The following PHLDB2 variants were observed in gnomAD, a reference collection of about 807,000 sequenced individuals.
The protein encoded by PHLDB2 is pleckstrin homology-like domain family B member 2.
In PHLDB2, 71 loss-of-function variants were observed where a neutral mutation model predicts 123.6. The observed-to-expected ratio is 0.57, with a 90% confidence interval of 0.47 to 0.70. The LOEUF (loss-of-function observed/expected upper bound fraction) is 0.70. Among genes scored for constraint, PHLDB2 ranks in the 30% least tolerant of loss-of-function variants. The pLI is 0.00. For synonymous variants in PHLDB2, 547 were observed against 541.6 expected, an observed-to-expected ratio of 1.01 and a Z score of -0.14; for missense variants, 1,446 against 1,519.5, an observed-to-expected ratio of 0.95 and a Z score of 0.80.
At position 111,866,014 on chromosome 3, in the gene PHLDB2, A is replaced by ATTTTTTTTTTTTTTTT. The variant is rs61038523; in HGVS notation, c.-15+6447_-15+6462dup. ...TTTTAGAAACCTACCCCACCCACTC[A>ATTTTTTTTTTTTTTTT]TTTTTTTTTTTTTTTTTTTTTTTTG... On this transcript the variant is annotated intron_variant, in intron 1 of 17. Transcript: ENST00000431670. Among the ~76,000 whole-genome samples the ATTTTTTTTTTTTTTTT allele has an allele frequency of 4.5e-3, 257 of 57,408 alleles. 50 individuals carry two copies. The highest frequency in any genetic ancestry group is 0.011 in the East Asian group (13 of 1,168). 37.7% of individuals were successfully genotyped at this position (57,408 alleles called of 152,430 possible).
intron 3 of PHLDB2, chr3:111,915,779 TG>T (rs2068135958): frequency 6.6e-6 from 1 of 152,214 alleles, no homozygotes; most frequent in Non-Finnish European, 1.5e-5. Flanking sequence ...TAATTCTCAA[TG>T]GAGACTAATT....
rs1286004385 is a variant in PHLDB2 at position 111,911,831 on chromosome 3, C to T, written c.1336-1488C>T. The T allele has an allele frequency of 1.1e-5, 9 of 840,758 alleles. No individual in the cohort carries two copies. In the Middle Eastern group the frequency reaches 1.5e-3, roughly 137 times the overall value. 52.1% of individuals were successfully genotyped at this position (840,758 alleles called of 1,614,324 possible). On this transcript the variant is annotated intron_variant, in intron 2 of 17. Coordinates refer to ENST00000431670, the MANE Select transcript of PHLDB2 (RefSeq NM_001134438.2). ...AGAGGGCAAATGTAAGTCAGATACACCTTAAATATCTGTCTTGTCATTTGA... is the reference window on the plus strand; with the variant it reads ...AGAGGGCAAATGTAAGTCAGATACATCTTAAATATCTGTCTTGTCATTTGA...
At chr3:111,930,827 C>A (rs1255541098) in intron 5 of PHLDB2, among the ~76,000 whole-genome samples, 1 of 152,068 alleles carries the variant, frequency 6.6e-6, no homozygotes, top group East Asian at 1.9e-4. Context: ...TGTTACAGAA[C>A]CATGTTAGAT....
intron 1 of PHLDB2, among the ~76,000 whole-genome samples, chr3:111,827,216 C>T (rs1451388659): frequency 2.0e-5 from 3 of 152,214 alleles, no homozygotes; most frequent in Non-Finnish European, 4.4e-5. Flanking sequence ...CATCCTTCCT[C>T]TAACCTTTTA....
chr3:111,971,049 G>A (rs2072141997), intron 16 of PHLDB2, among the ~76,000 whole-genome samples: 2 of 152,260 alleles, frequency 1.3e-5, no homozygotes, highest in South Asian at 2.1e-4. Context: ...GGAGAAATTA[G>A]TGGCCTGAAG....
intron 2 of PHLDB2, among the ~76,000 whole-genome samples, chr3:111,849,581 G>A (rs12695246): frequency 0.58 from 87,728 of 152,038 alleles, 26,271 homozygotes; most frequent in Middle Eastern, 0.78. Flanking sequence ...AGCTTCTTTT[G>A]TTTTCCATTT....
chr3:111,808,463 A>G (rs1165069461), intron 1 of PHLDB2, among the ~76,000 whole-genome samples: 1 of 150,590 alleles, frequency 6.6e-6, no homozygotes, highest in Admixed American at 6.6e-5. Flanking sequence ...GTCCTCGGTC[A>G]GAGCTGGGTG....
chr3:111,974,730 G>T lies in PHLDB2; in HGVS notation c.*167G>T. 1 of 595,934 alleles carries T rather than the reference G, an allele frequency of 1.7e-6. No homozygotes were observed. The highest frequency in any genetic ancestry group is 2.5e-6 in the Non-Finnish European group (1 of 396,496). The allele number at this position is 595,934 out of a possible 1,614,324, so 36.9% of individuals were successfully genotyped here. A position where few individuals can be genotyped will look rare whatever the true frequency, so the allele number is the denominator to read the frequency against. ...AGTTATTTGTAAAAAATAAAGAAGG[G>T]GTTTTAATACAAACCTTCATAATAA... On this transcript the variant is annotated 3_prime_UTR_variant, in exon 18 of 18. Coordinates refer to ENST00000431670, the MANE Select transcript of PHLDB2 (RefSeq NM_001134438.2).
intron 1 of PHLDB2, among the ~76,000 whole-genome samples, chr3:111,782,063 GA>G (rs1249475830): frequency 1.3e-4 from 20 of 152,016 alleles, no homozygotes; most frequent in African/African-American, 4.6e-4. Flanking sequence ...ACTGTCTCAG[GA>G]ATATGACAGG....
chr3:111,966,527 G>GGTGTGTGTGTGTCTGGGGT lies in PHLDB2; in HGVS notation c.3078-74_3078-73insCTGGGGTGTGTGTGTGTGT. ...TGTGTGTGTGTGTGTGTGTGTCTGGGGTGTGTGTGTGTGTGTGTGTGTATG... is the reference window on the plus strand; with the variant it reads ...TGTGTGTGTGTGTGTGTGTGTCTGGGGTGTGTGTGTGTCTGGGGTGTGTGTGTGTGTGTGTGTGTGTATG... On this transcript the variant is annotated intron_variant, in intron 13 of 17. Coordinates refer to ENST00000431670, the MANE Select transcript of PHLDB2 (RefSeq NM_001134438.2). 6 of 585,690 alleles carry GGTGTGTGTGTGTCTGGGGT rather than the reference G, an allele frequency of 1.0e-5. No homozygotes were observed. The East Asian group carries it at 1.8e-4, about 18-fold the overall frequency. The allele number at this position is 585,690 out of a possible 1,614,324, so 36.3% of individuals were successfully genotyped here. A position where few individuals can be genotyped will look rare whatever the true frequency, so the allele number is the denominator to read the frequency against.
In PHLDB2 at chr3:111,885,410, T is replaced by C. The variant is rs368489081; in HGVS notation, c.1333T>C (p.Leu445=). 1.2e-6 allele frequency: 2 copies of C among 1,613,970 alleles called. No homozygotes were observed. Among genetic ancestry groups the C allele is most frequent in the African/African-American group, 1.3e-5 (1 of 74,940 alleles). ...ERLREQEMER[L]ERQRLETILS... Reference sequence around the variant, plus strand: ...ACTCAGGGAGCAGGAAATGGAGCGATTGGTAATCTTCATCTCAACAGTGAT... The same window carrying C: ...ACTCAGGGAGCAGGAAATGGAGCGACTGGTAATCTTCATCTCAACAGTGAT... The change falls in exon 2 of 18, where the codon TTG becomes CTG. Residue 445 remains leucine, a splice_region_variant and synonymous_variant. Transcript: ENST00000431670.
At chr3:111,968,901 T>C (rs2071986055) in intron 15 of PHLDB2, among the ~76,000 whole-genome samples, 1 of 152,178 alleles carries the variant, frequency 6.6e-6, no homozygotes, top group Admixed American at 6.5e-5. Flanking sequence ...AAGTGTTGCC[T>C]CCAAGTATAT....
intron 5 of PHLDB2, among the ~76,000 whole-genome samples, chr3:111,931,838 G>A (rs140487648): frequency 2.8e-4 from 43 of 152,302 alleles, no homozygotes; most frequent in African/African-American, 8.9e-4. Context: ...GGCCTTGAGC[G>A]AGTTAGGCTA....
chr3:111,918,012 CT>C (rs2068278145), intron 3 of PHLDB2, among the ~76,000 whole-genome samples: 1 of 152,014 alleles, frequency 6.6e-6, no homozygotes, highest in Non-Finnish European at 1.5e-5. Flanking sequence ...AAAAAAATTA[CT>C]TCTTTTTCAA....
chr3:111,945,587 TTGTG>T, intron 9 of PHLDB2: 1 of 512,308 alleles, frequency 2.0e-6, no homozygotes, highest in Non-Finnish European at 3.4e-6. Flanking sequence ...ATGTGTGTGT[TTGTG>T]TGTGTGTGTC....
chr3:111,884,348 A>T lies in PHLDB2; in HGVS notation c.271A>T (p.Ser91Cys). 1.2e-6 allele frequency: 2 copies of T among 1,614,192 alleles called. No homozygotes were observed. The highest frequency in any genetic ancestry group is 1.7e-6 in the Non-Finnish European group (2 of 1,180,020). Residue 91 changes from serine (S) to cysteine (C), a missense_variant, in exon 2 of 18, where the codon AGC (serine) becomes TGC (cysteine). Coordinates refer to ENST00000431670, the MANE Select transcript of PHLDB2 (RefSeq NM_001134438.2). ...SSPSLAKIQG[S>C]KQFSYDGTDK... ...CCCCTCCTTAGCCAAAATCCAGGGA[A>T]GCAAGCAGTTCTCTTATGATGGAAC...
At chr3:111,736,754 A>C (rs940574826) in intron 1 of PHLDB2, among the ~76,000 whole-genome samples, 1 of 152,212 alleles carries the variant, frequency 6.6e-6, no homozygotes, top group Non-Finnish European at 1.5e-5. Context: ...TAATGCTGTT[A>C]TTCTAATTAG....
At chr3:111,849,511 A>G (rs2064157921) in intron 2 of PHLDB2, among the ~76,000 whole-genome samples, 3 of 152,192 alleles carry the variant, frequency 2.0e-5, no homozygotes, top group African/African-American at 4.8e-5. Context: ...TAAATATAAT[A>G]CTAATACCGT....
At chr3:111,953,882 C>T (rs765098624) in intron 11 of PHLDB2, 48 bp from the exon 12 acceptor site, 45 of 1,450,766 alleles carry the variant, frequency 3.1e-5, no homozygotes, top group Non-Finnish European at 4.1e-5. Context: ...TCCTAAAGGT[C>T]CATTCAGCCT....
Sources: gnomAD v4.1 joint callset for allele counts (sites outside exome capture counted in the v4.1 genomes callset) on GRCh38, gnomAD v4.1.1 for gene constraint, MANE v1.5 for transcripts, NCBI Gene and HGNC (gene_info 2026-07-23, HGNC 2026-07-21) for gene names.